Variants in TMX3 observed in about 807,000 individuals in gnomAD.
The protein encoded by TMX3 is protein disulfide-isomerase TMX3.
Under a neutral mutation model 64.4 loss-of-function variants are expected in TMX3, and 40 were observed. That is an observed-to-expected ratio of 0.62 (90% CI 0.48 to 0.81). The LOEUF (loss-of-function observed/expected upper bound fraction) is 0.81. Ranked by LOEUF, TMX3 falls within the 30% of genes least tolerant of loss-of-function variation. The pLI, the probability that TMX3 is intolerant of heterozygous loss-of-function variation, is 0.00. For missense variants in TMX3, 497 were observed against 534.5 expected, an observed-to-expected ratio of 0.93 and a Z score of 0.69; for synonymous variants, 189 against 175.7, an observed-to-expected ratio of 1.08 and a Z score of -0.60.
chr18:68,694,906 G>A (rs1256711219), intron 8 of TMX3, among the ~76,000 whole-genome samples: 1 of 151,916 alleles, frequency 6.6e-6, no homozygotes, highest in South Asian at 2.1e-4. Context: ...TAAAAGAAAT[G>A]AAATGTTTCA....
rs571643366 is a variant in TMX3, at chr18:68,687,224, T to A, written c.736+443A>T. 157 of 985,430 alleles carry A rather than the reference T, an allele frequency of 1.6e-4. No individual in the cohort carries two copies. The African/African-American group carries it at 2.6e-3, about 16-fold the overall frequency. The allele number at this position is 985,430 out of a possible 1,614,324, so 61.0% of individuals were successfully genotyped here. On this transcript the variant is annotated intron_variant, in intron 10 of 15. Transcript: ENST00000299608. ...TACAGCTTTCATTTTTGTATTCGTGTTTGTGTTTGCGTTGCCTGTCATTTC... is the reference window on the plus strand; with the variant it reads ...TACAGCTTTCATTTTTGTATTCGTGATTGTGTTTGCGTTGCCTGTCATTTC...
intron 8 of TMX3, among the ~76,000 whole-genome samples, chr18:68,693,648 G>C (rs184484966): frequency 2.0e-4 from 31 of 152,284 alleles, no homozygotes; most frequent in African/African-American, 6.5e-4. Context: ...ACAAGCGTGG[G>C]AGGGAGGCTG....
At position 68,677,173 on chromosome 18, in the gene TMX3, T is replaced by G; in HGVS notation, c.1125A>C (p.Pro375=). The change falls in exon 16 of 16, where the codon CCA becomes CCC. Residue 375 remains proline, a synonymous_variant. Transcript: ENST00000299608. ...STIVSIFKSS[P]LMGCFLFGLP... ...GGCCAAAGAGAAAGCAGCCCATCAG[T>G]GGTGAGCTCTTGAATATAGACTGTG... 6.2e-7 allele frequency: 1 copy of G among 1,613,548 alleles called. No individual in the cohort carries two copies. The highest frequency in any genetic ancestry group is 8.5e-7 in the Non-Finnish European group (1 of 1,179,638).
Position 68,684,468 on chromosome 18 carries a change from C to T in TMX3, c.754G>A (p.Ala252Thr), listed in dbSNP as rs1322925227. The T allele has an allele frequency of 1.2e-6, 2 of 1,612,640 alleles. No homozygotes were observed. Among genetic ancestry groups the T allele is most frequent in the Non-Finnish European group, 1.7e-6 (2 of 1,179,534 alleles). Residue 252 changes from alanine to threonine, a missense_variant, in exon 11 of 16, where the codon GCA (alanine) becomes ACA (threonine). By Grantham distance (58) the Ala-to-Thr change is moderately conservative. This residue lies in a region of TMX3 where 360 missense variants were observed against 383.5 expected (regional missense o/e 0.94). Coordinates refer to ENST00000299608, the MANE Select transcript of TMX3 (RefSeq NM_019022.5). ...LGDTGKLVAL[A>T]VIDEKNTSVE... ...GATGTATTTTTCTCATCAATAACTG[C>T]AAGAGCCACAAGCTTTCCTGAAATA... is the stretch of plus-strand genomic sequence containing the variant.
chr18:68,710,980 A>C (rs985316240), intron 3 of TMX3, among the ~76,000 whole-genome samples: 1 of 152,198 alleles, frequency 6.6e-6, no homozygotes, highest in African/African-American at 2.4e-5. Flanking sequence ...TTAAGATGAA[A>C]ATATGACTTT....
chr18:68,696,924 C>T (rs1181334027), intron 8 of TMX3: 2 of 253,798 alleles, frequency 7.9e-6, no homozygotes, highest in East Asian at 2.2e-4. Flanking sequence ...TAATCCACCA[C>T]TTGTAAGCCA....
intron 8 of TMX3, among the ~76,000 whole-genome samples, chr18:68,694,729 C>T (rs1372615599): frequency 6.6e-6 from 1 of 152,174 alleles, no homozygotes; most frequent in African/African-American, 2.4e-5. Context: ...GCATAAAATA[C>T]TTGGCAAACC....
chr18:68,682,164 T>A (rs1913501315), intron 13 of TMX3, among the ~76,000 whole-genome samples: 1 of 152,166 alleles, frequency 6.6e-6, no homozygotes, highest in Non-Finnish European at 1.5e-5. Flanking sequence ...TCCAGTGGAC[T>A]GTAAGCATTT....
chr18:68,696,052 G>A lies in TMX3; in HGVS notation c.570+1174C>T, dbSNP rs1040229492. On this transcript the variant is annotated intron_variant, in intron 8 of 15. Coordinates refer to ENST00000299608, the MANE Select transcript of TMX3 (RefSeq NM_019022.5). ...TCTTTGCACGGCTCCTTCATATCACGTAAAAGTCTCAGTTCAAGTATTTTC... is the reference window on the plus strand; with the variant it reads ...TCTTTGCACGGCTCCTTCATATCACATAAAAGTCTCAGTTCAAGTATTTTC... 7.9e-5 allele frequency among the ~76,000 whole-genome samples: 12 copies of A among 152,128 alleles called. No individual in the cohort carries two copies. In the South Asian group the frequency reaches 8.3e-4, roughly 11 times the overall value.
At chr18:68,701,231 CGTT>C (rs1351906526) in intron 5 of TMX3, among the ~76,000 whole-genome samples, 3 of 152,020 alleles carry the variant, frequency 2.0e-5, no homozygotes, top group African/African-American at 4.8e-5. Context: ...TTTAAACTTA[CGTT>C]ATTATAAAAA....
chr18:68,682,006 G>A (rs309212), intron 13 of TMX3, among the ~76,000 whole-genome samples: 20,208 of 152,106 alleles, frequency 0.13, 4,023 homozygotes, highest in African/African-American at 0.43. Flanking sequence ...TGCCTCTTCC[G>A]GAAAATGTTT....
intron 8 of TMX3, among the ~76,000 whole-genome samples, chr18:68,694,517 C>T (rs1473339249): frequency 6.6e-6 from 1 of 152,146 alleles, no homozygotes; most frequent in African/African-American, 2.4e-5. Flanking sequence ...TGCTCCATGC[C>T]TCGCTCGTCC....
intron 4 of TMX3, among the ~76,000 whole-genome samples, chr18:68,704,268 A>T (rs1473128344): frequency 6.6e-6 from 1 of 152,244 alleles, no homozygotes; most frequent in Non-Finnish European, 1.5e-5. Flanking sequence ...ATTAATGTGC[A>T]GAATATTTTA....
Position 68,700,674 on chromosome 18 carries a change from A to T in TMX3, c.312-189T>A, listed in dbSNP as rs948031689. On this transcript the variant is annotated intron_variant, in intron 5 of 15. Transcript: ENST00000299608. ...CAGAGGACCAGTAACACAAAAGAAA[A>T]GAGGCTGTATTCTATTAAAATTACA... The T allele has an allele frequency of 7.6e-6, 7 of 919,482 alleles. No homozygotes were observed. In the African/African-American group the frequency reaches 1.3e-4, roughly 17 times the overall value. The allele number at this position is 919,482 out of a possible 1,614,324, so 57.0% of individuals were successfully genotyped here.
chr18:68,707,566 T>C (rs2030798475), intron 4 of TMX3, among the ~76,000 whole-genome samples: 1 of 152,230 alleles, frequency 6.6e-6, no homozygotes, highest in African/African-American at 2.4e-5. Context: ...ATGAACACTT[T>C]ACCACTAAGA....
rs1489625516 is a variant in TMX3 at position 68,700,458 on chromosome 18, A to G, written c.339T>C (p.Tyr113=). Residue 113 remains tyrosine (Y), a synonymous_variant, in exon 6 of 16, where the codon TAT becomes TAC. Transcript: ENST00000299608. ...KLLKGDLAYN[Y]RGPRTKDDII... ...TATCATCTTTTGTTCGTGGTCCTCT[A>G]TAATTATATGCCAAGTCCCCTTTTA... is the stretch of plus-strand genomic sequence containing the variant. 6.4e-7 allele frequency: 1 copy of G among 1,574,624 alleles called. No homozygotes were observed. The highest frequency in any genetic ancestry group is 8.6e-7 in the Non-Finnish European group (1 of 1,162,378).
Position 68,710,148 on chromosome 18 carries a change from G to GT in TMX3, c.142-5dup. ...GGCCACACCATGGCGCATAAAACTTGTTTTAAAAAAACAAACAACAAACAA... is the reference window on the plus strand; with the variant it reads ...GGCCACACCATGGCGCATAAAACTTGTTTTTAAAAAAACAAACAACAAACAA... On this transcript the variant is annotated splice_region_variant and splice_polypyrimidine_tract_variant and intron_variant, in intron 3 of 15. Transcript: ENST00000299608. 6.6e-7 allele frequency: 1 copy of GT among 1,517,074 alleles called. No homozygotes were observed. Among genetic ancestry groups the GT allele is most frequent in the Non-Finnish European group, 8.8e-7 (1 of 1,136,402 alleles). The allele number at this position is 1,517,074 out of a possible 1,614,324, so 94.0% of individuals were successfully genotyped here.
intron 11 of TMX3, 44 bp downstream of exon 11, chr18:68,684,384 T>A (rs1472348641): frequency 6.3e-7 from 1 of 1,578,520 alleles, no homozygotes; most frequent in Non-Finnish European, 8.7e-7. Flanking sequence ...CCATATAGTC[T>A]GAAATGAACA....
intron 12 of TMX3, among the ~76,000 whole-genome samples, chr18:68,683,382 G>T (rs183587451): frequency 3.0e-4 from 46 of 152,200 alleles, no homozygotes; most frequent in African/African-American, 1.0e-3. Flanking sequence ...AGAAGATTCA[G>T]AATAGGAAAG....
Sources: gnomAD v4.1 joint callset for allele counts (sites outside exome capture counted in the v4.1 genomes callset) on GRCh38, gnomAD v4.1.1 for gene constraint, gnomAD v4.1.1 regional missense constraint, MANE v1.5 for transcripts, NCBI Gene and HGNC (gene_info 2026-07-23, HGNC 2026-07-21) for gene names.